Variants in ZNF91 observed in about 807,000 individuals in gnomAD.
The protein encoded by ZNF91 is zinc finger protein 91 (HPF7, HTF10).
Under a neutral mutation model 12.6 loss-of-function variants are expected in ZNF91, and 7 were observed. The ratio of observed to expected loss-of-function variants is 0.55; its 90% confidence interval spans 0.31 to 1.04. The LOEUF (loss-of-function observed/expected upper bound fraction) is 1.04. ZNF91 is among the 50% of genes least tolerant of loss of function. The probability of loss-of-function intolerance (pLI) is 0.05; values close to 1 mark genes in which losing one functional copy is unlikely to be tolerated. For missense variants in ZNF91, 1,217 were observed against 1,385.4 expected (o/e 0.88, Z 1.93); for synonymous variants, 453 against 462.6 (o/e 0.98, Z 0.27).
At chr19:23,307,462 C>T (rs1231162525) in intron 2 of ZNF91, 1 of 152,220 alleles carries the variant, frequency 6.6e-6, no homozygotes, top group African/African-American at 2.4e-5. Flanking sequence ...GACACTTCTT[C>T]CTGACCTCTG....
chr19:23,391,052 T>C (rs1970051085), intron 1 of ZNF91, among the ~76,000 whole-genome samples: 1 of 152,190 alleles, frequency 6.6e-6, no homozygotes, highest in African/African-American at 2.4e-5. Context: ...GAAATGGTAA[T>C]TGTTTTTAGT....
At chr19:23,387,367 C>T (rs1284016492) in intron 1 of ZNF91, among the ~76,000 whole-genome samples, 1 of 152,176 alleles carries the variant, frequency 6.6e-6, no homozygotes, top group Non-Finnish European at 1.5e-5. Context: ...GCACTATTCA[C>T]AATAGCAAAG....
chr19:23,359,932 T>C lies in ZNF91; in HGVS notation c.3047A>G (p.His1016Arg), dbSNP rs779735120. The C allele has an allele frequency of 2.5e-6, 4 of 1,588,548 alleles. No individual in the cohort carries two copies. The Admixed American group carries it at 5.1e-5, about 20-fold the overall frequency. ...SSTLTRHTRM[H>R]TGEKPYKCEE... ...ACATTTGTATGGTTTCTCTCCAGTG[T>C]GCATCCTCGTATGTCTAGTTAGGGT... Residue 1016 changes from histidine (H) to arginine (R), a missense_variant, in exon 4 of 4, where the codon CAC (histidine) becomes CGC (arginine). By Grantham distance (29) the His-to-Arg change is conservative (BLOSUM62 0). Around this residue, in one of 2 missense-constraint regions of ZNF91, gnomAD observed 491 missense variants for 489.8 expected, o/e 1.00. Transcript: ENST00000300619.
At chr19:23,307,624 A>G (rs552635466) in intron 2 of ZNF91, 2 of 152,364 alleles carry the variant, frequency 1.3e-5, no homozygotes, top group East Asian at 3.9e-4. Flanking sequence ...GGACCTGTCC[A>G]CTGGGTGATT....
At chr19:23,384,950 C>A in intron 1 of ZNF91, 1 of 882,226 alleles carries the variant, frequency 1.1e-6, no homozygotes, top group Non-Finnish European at 1.9e-6. Flanking sequence ...GCAAAGTTGC[C>A]AAGGCTTAGC....
intron 1 of ZNF91, among the ~76,000 whole-genome samples, chr19:23,321,742 G>A (rs1478984844): frequency 6.6e-6 from 1 of 152,124 alleles, no homozygotes; most frequent in Admixed American, 6.5e-5. Flanking sequence ...AATATTTGAT[G>A]TATCTTTCTT....
At chr19:23,389,695 A>T (rs1600361) in intron 1 of ZNF91, among the ~76,000 whole-genome samples, 46,249 of 152,024 alleles carry the variant, frequency 0.3, 7,562 homozygotes, top group African/African-American at 0.42. Flanking sequence ...AGAGGTTTAT[A>T]CTAATCCAGG....
intron 3 of ZNF91, among the ~76,000 whole-genome samples, chr19:23,364,210 T>C (rs530454805): frequency 2.0e-5 from 3 of 152,268 alleles, no homozygotes; most frequent in South Asian, 4.1e-4. Flanking sequence ...TCCCAGCTAC[T>C]TGGGAGGCTA....
chr19:23,350,705 A>G (rs77678589), intron 3 of ZNF91, among the ~76,000 whole-genome samples: 3,407 of 152,252 alleles, frequency 0.022, 53 homozygotes, highest in Middle Eastern at 0.044. Flanking sequence ...TTGTCCAAGT[A>G]GCGTGCATCA....
chr19:23,369,570 G>T (rs971171107), intron 3 of ZNF91, among the ~76,000 whole-genome samples: 1 of 152,164 alleles, frequency 6.6e-6, no homozygotes, highest in African/African-American at 2.4e-5. Flanking sequence ...AGAAAAGGGG[G>T]AAATGTGGGG....
chr19:23,357,693 A>G (rs1463954576), downstream of ZNF91: 2 of 152,224 alleles, frequency 1.3e-5, no homozygotes, highest in African/African-American at 2.4e-5. Context: ...GGACTCAGAA[A>G]TATATGGATT....
chr19:23,323,016 T>G (rs1967742124), intron 1 of ZNF91, among the ~76,000 whole-genome samples: 1 of 146,384 alleles, frequency 6.8e-6, no homozygotes, highest in African/African-American at 2.5e-5. Context: ...CCTTTTCCTC[T>G]TTTTCTCCTC....
intron 1 of ZNF91, chr19:23,385,033 G>T: frequency 8.2e-7 from 1 of 1,217,636 alleles, no homozygotes; most frequent in Non-Finnish European, 1.2e-6. Context: ...CCACCAGGGA[G>T]ACACCTCATG....
chr19:23,312,717 G>A (rs950528786), upstream of ZNF91, among the ~76,000 whole-genome samples: 2 of 152,114 alleles, frequency 1.3e-5, no homozygotes, highest in African/African-American at 2.4e-5. Context: ...CTCATACTTG[G>A]GCTTAAGGCC....
At chr19:23,321,996 C>T (rs945267041) in intron 1 of ZNF91, among the ~76,000 whole-genome samples, 1 of 152,170 alleles carries the variant, frequency 6.6e-6, no homozygotes, top group African/African-American at 2.4e-5. Context: ...GGGCTTTGCC[C>T]ATAGGGGATG....
At chr19:23,367,311 CA>C (rs1371360831) in intron 3 of ZNF91, among the ~76,000 whole-genome samples, 1 of 151,888 alleles carries the variant, frequency 6.6e-6, no homozygotes, top group Non-Finnish European at 1.5e-5. Context: ...ACAACAAACA[CA>C]AAAAAACAAC....
At chr19:23,379,153 A>C (rs1056690773) in intron 1 of ZNF91, among the ~76,000 whole-genome samples, 1 of 152,192 alleles carries the variant, frequency 6.6e-6, no homozygotes, top group African/African-American at 2.4e-5. Flanking sequence ...ATGGTCCAAT[A>C]ATAAGCCAGC....
intron 3 of ZNF91, among the ~76,000 whole-genome samples, chr19:23,350,707 C>T (rs189643834): frequency 8.5e-5 from 13 of 152,258 alleles, no homozygotes; most frequent in African/African-American, 2.2e-4. Flanking sequence ...GTCCAAGTAG[C>T]GTGCATCAGC....
intron 1 of ZNF91, among the ~76,000 whole-genome samples, chr19:23,319,652 C>G (rs776967156): frequency 6.6e-6 from 1 of 152,230 alleles, no homozygotes; most frequent in Non-Finnish European, 1.5e-5. Context: ...TGACACATCA[C>G]TGGACCCCGC....
Sources: allele counts gnomAD v4.1 joint callset (sites outside exome capture counted in the v4.1 genomes callset), GRCh38; gene constraint gnomAD v4.1.1; regional missense constraint gnomAD v4.1.1; transcripts MANE v1.5; gene names NCBI Gene and HGNC (gene_info 2026-07-23, HGNC 2026-07-21).